Variants in RBFOX3 observed in about 807,000 individuals in gnomAD.
RBFOX3 encodes RNA binding protein fox-1 homolog 3.
Under a neutral mutation model 48.7 loss-of-function variants are expected in RBFOX3, and 17 were observed. The observed-to-expected ratio is 0.35, with a 90% CI of 0.24 to 0.52. The LOEUF (loss-of-function observed/expected upper bound fraction) is 0.52. Among genes scored for constraint, RBFOX3 ranks in the 20% least tolerant of loss-of-function variants. The probability of loss-of-function intolerance (pLI) is 0.94; values close to 1 mark genes in which losing one functional copy is unlikely to be tolerated. For synonymous variants in RBFOX3, 212 were observed against 209.5 expected (o/e 1.01, Z -0.10); for missense variants, 382 against 497.5 (o/e 0.77, Z 2.21).
intron 2 of RBFOX3, among the ~76,000 whole-genome samples, chr17:79,436,545 C>T (rs2069494951): frequency 6.6e-6 from 1 of 152,144 alleles, no homozygotes; most frequent in Non-Finnish European, 1.5e-5. Flanking sequence ...TGCAGGCCAC[C>T]AGGAGCAGGT....
intron 4 of RBFOX3, among the ~76,000 whole-genome samples, chr17:79,143,434 C>A (rs2042343180): frequency 1.3e-5 from 2 of 151,848 alleles, no homozygotes; most frequent in Admixed American, 1.3e-4. Context: ...CAAGCCAGCT[C>A]CACCTCTGAC....
chr17:79,100,040 G>A (rs2076125885), intron 9 of RBFOX3: 1 of 152,284 alleles, frequency 6.6e-6, no homozygotes, highest in South Asian at 2.1e-4. Context: ...AACGGCTCTT[G>A]CTGCAAAGGT....
Position 79,235,748 on chromosome 17 carries a change from T to C in RBFOX3, c.-34+18A>G, listed in dbSNP as rs1416205995. ...TCTGTCAAAAACTATTCAGGAAAAA[T>C]AGAGAAAGTCTTTATACCTTTTATT... On this transcript the variant is annotated intron_variant, in intron 4 of 14. Coordinates refer to ENST00000693108, the MANE Select transcript of RBFOX3 (RefSeq NM_001350451.2). The C allele has an allele frequency of 6.5e-6, 1 of 153,684 alleles. No individual in the cohort carries two copies. The highest frequency in any genetic ancestry group is 1.5e-5 in the Non-Finnish European group (1 of 68,012). The allele number at this position is 153,684 out of a possible 1,614,324, so 9.5% of individuals were successfully genotyped here.
chr17:79,182,050 C>T (rs970815283), intron 4 of RBFOX3, among the ~76,000 whole-genome samples: 5 of 152,056 alleles, frequency 3.3e-5, no homozygotes, highest in South Asian at 2.1e-4. Flanking sequence ...TGCATGGAAG[C>T]GGGGGTGGGG....
intron 2 of RBFOX3, among the ~76,000 whole-genome samples, chr17:79,342,156 T>C (rs1418007354): frequency 6.6e-6 from 1 of 152,234 alleles, no homozygotes; most frequent in South Asian, 2.1e-4. Context: ...TTTTATTTCG[T>C]GTAATATTCA....
intron 4 of RBFOX3, among the ~76,000 whole-genome samples, chr17:79,191,077 C>T (rs1472425498): frequency 1.3e-5 from 2 of 152,214 alleles, no homozygotes; most frequent in Admixed American, 6.5e-5. Context: ...CCATCAACAG[C>T]GGGTGGGTCT....
At chr17:79,656,803 AAAG>A in the RBFOX3 span, among the ~76,000 whole-genome samples, 1 of 1,234 alleles carries the variant, frequency 8.1e-4, no homozygotes, top group Non-Finnish European at 3.6e-3. Context: ...AGAAAGAAAG[AAAG>A]AAAAGAAAGA....
intron 3 of RBFOX3, among the ~76,000 whole-genome samples, chr17:79,261,883 G>A (rs1477610551): frequency 1.3e-5 from 2 of 152,214 alleles, no homozygotes; most frequent in Admixed American, 6.5e-5. Flanking sequence ...GACTTCAGGT[G>A]CTCACGGCCG....
intron 5 of RBFOX3, among the ~76,000 whole-genome samples, chr17:79,110,182 G>C (rs1438565051): frequency 6.6e-6 from 1 of 151,068 alleles, no homozygotes; most frequent in Non-Finnish European, 1.5e-5. Context: ...TGCAGGGAAA[G>C]AGAAAAGGAC....
At chr17:79,356,062 A>G (rs1238969113) in intron 2 of RBFOX3, among the ~76,000 whole-genome samples, 1 of 152,202 alleles carries the variant, frequency 6.6e-6, no homozygotes, top group African/African-American at 2.4e-5. Context: ...GAATTAGAGC[A>G]TGAATGTGGG....
At chr17:79,181,037 G>A (rs1355050982) in intron 4 of RBFOX3, among the ~76,000 whole-genome samples, 3 of 152,212 alleles carry the variant, frequency 2.0e-5, no homozygotes, top group Non-Finnish European at 2.9e-5. Flanking sequence ...CCAACTATGA[G>A]CGCTGGTCTA....
At chr17:79,483,849 C>T (rs1216459260) in intron 1 of RBFOX3, among the ~76,000 whole-genome samples, 2 of 152,302 alleles carry the variant, frequency 1.3e-5, no homozygotes, top group Admixed American at 6.5e-5. Context: ...TATTTAGAAT[C>T]ATATCCCACG....
chr17:79,135,612 CG>C lies in RBFOX3; in HGVS notation c.-33-19865del, dbSNP rs1413297886. On this transcript the variant is annotated intron_variant, in intron 4 of 14. Coordinates refer to ENST00000693108, the MANE Select transcript of RBFOX3 (RefSeq NM_001350451.2). ...GTGCTCCCCAGCGCAGTGGGGGCAT[CG>C]GGGGAGGGATTCCCTGTGGCATGTC... Among the ~76,000 whole-genome samples, 5 of 152,256 alleles carry C rather than the reference CG, an allele frequency of 3.3e-5. No homozygotes were observed. In the East Asian group the frequency reaches 9.7e-4, roughly 29 times the overall value.
chr17:79,134,206 C>T (rs909410881), intron 4 of RBFOX3, among the ~76,000 whole-genome samples: 2 of 152,196 alleles, frequency 1.3e-5, no homozygotes, highest in African/African-American at 2.4e-5. Context: ...TCCAAGAAGG[C>T]GGCTTCAAAT....
Position 79,480,845 on chromosome 17 carries a change from G to A in RBFOX3, c.-175+1609C>T, listed in dbSNP as rs1349465911. On this transcript the variant is annotated intron_variant, in intron 2 of 14. Coordinates refer to ENST00000693108, the MANE Select transcript of RBFOX3 (RefSeq NM_001350451.2). This position sits in a 1 kb window ranked among gnomAD's most constrained non-coding sequence, Gnocchi z 4.8. ...GCATTTATCTTCACAGCGTTATGGC[G>A]CCTGACATACATTTATTCGCCATGT... 2.6e-5 allele frequency among the ~76,000 whole-genome samples: 4 copies of A among 152,158 alleles called. No homozygotes were observed. Among genetic ancestry groups the A allele is most frequent in the African/African-American group, 7.2e-5 (3 of 41,418 alleles).
At chr17:79,588,021 T>C (rs933112113) in intron 1 of RBFOX3, among the ~76,000 whole-genome samples, 3 of 152,236 alleles carry the variant, frequency 2.0e-5, no homozygotes, top group Admixed American at 1.3e-4. Flanking sequence ...AATGTTTTTG[T>C]AAAGAAGGGC....
chr17:79,180,644 G>A (rs1329983495), intron 4 of RBFOX3, among the ~76,000 whole-genome samples: 1 of 151,844 alleles, frequency 6.6e-6, no homozygotes, highest in Non-Finnish European at 1.5e-5. Context: ...TGGGATAAGC[G>A]GGTTCCCAAA....
chr17:79,452,026 T>C lies in RBFOX3; in HGVS notation c.-175+30428A>G, dbSNP rs373188713. Among the ~76,000 whole-genome samples, 10 of 152,276 alleles carry C rather than the reference T, an allele frequency of 6.6e-5. No homozygotes were observed. The East Asian group carries it at 1.4e-3, about 21-fold the overall frequency. On this transcript the variant is annotated intron_variant, in intron 2 of 14. Transcript: ENST00000693108. ...AGAGAGCCCAGAGGGCTTTACGCTA[T>C]GTTCCCTGTGGCTACAGGGGAGGAG...
At chr17:79,554,091 G>A (rs2091397711) in intron 1 of RBFOX3, among the ~76,000 whole-genome samples, 1 of 152,116 alleles carries the variant, frequency 6.6e-6, no homozygotes, top group African/African-American at 2.4e-5. Context: ...ACTTTTTCCA[G>A]AAAACAGCTT....
Sources: gnomAD v4.1 joint callset for allele counts (sites outside exome capture counted in the v4.1 genomes callset) on GRCh38, gnomAD v4.1.1 for gene constraint, Gnocchi (gnomAD v3.1) non-coding constraint, MANE v1.5 for transcripts, NCBI Gene and HGNC (gene_info 2026-07-23, HGNC 2026-07-21) for gene names.